Variants in CCSER2 observed in about 807,000 individuals in gnomAD.
CCSER2 encodes the protein serine-rich coiled-coil domain-containing protein 2.
CCSER2 carries 46 observed loss-of-function variants against 92.3 expected under a neutral mutation model. That is an observed-to-expected ratio of 0.50 (90% CI 0.39 to 0.64). The LOEUF (loss-of-function observed/expected upper bound fraction) is 0.64. Ranked by LOEUF, CCSER2 falls within the 30% of genes least tolerant of loss-of-function variation. The pLI, the probability that CCSER2 is intolerant of heterozygous loss-of-function variation, is 0.00. For synonymous variants in CCSER2, 433 were observed against 431.4 expected (o/e 1.00, Z -0.04); for missense variants, 1,244 against 1,238.9 (o/e 1.00, Z -0.06).
intron 9 of CCSER2, among the ~76,000 whole-genome samples, chr10:84,510,140 T>C (rs952875068): frequency 9.9e-5 from 15 of 152,192 alleles, no homozygotes; most frequent in African/African-American, 3.4e-4. Flanking sequence ...TTAGCTATGC[T>C]TTTGCACTAT....
intron 3 of CCSER2, among the ~76,000 whole-genome samples, chr10:84,376,742 T>A (rs1846359434): frequency 6.6e-6 from 1 of 152,172 alleles, no homozygotes; most frequent in Admixed American, 6.5e-5. Flanking sequence ...TAGGCTATGC[T>A]GATGGATAAA....
intron 1 of CCSER2, among the ~76,000 whole-genome samples, chr10:84,342,731 AT>A (rs1430144937): frequency 6.6e-6 from 1 of 151,922 alleles, no homozygotes; most frequent in African/African-American, 2.4e-5. Context: ...CCCCCGCAAC[AT>A]TTTACTTTTG....
intron 1 of CCSER2, among the ~76,000 whole-genome samples, chr10:84,348,255 C>T (rs531371420): frequency 4.5e-4 from 69 of 152,332 alleles, no homozygotes; most frequent in Middle Eastern, 3.4e-3. Context: ...GCTGGAGACC[C>T]GCCCGGCCAA....
At chr10:84,492,963 A>G (rs1466613033) in intron 9 of CCSER2, among the ~76,000 whole-genome samples, 1 of 151,918 alleles carries the variant, frequency 6.6e-6, no homozygotes, top group Non-Finnish European at 1.5e-5. Flanking sequence ...ATTAAGTTAA[A>G]CCTGGCCTCA....
chr10:84,389,400 G>A (rs1243666862), intron 3 of CCSER2: 1 of 501,910 alleles, frequency 2.0e-6, no homozygotes, highest in Non-Finnish European at 4.0e-6. Flanking sequence ...TCTCCTGGCA[G>A]TTCCTTGAGG....
At chr10:84,438,038 C>T (rs1419947214) in intron 5 of CCSER2, among the ~76,000 whole-genome samples, 1 of 151,970 alleles carries the variant, frequency 6.6e-6, no homozygotes, top group Non-Finnish European at 1.5e-5. Context: ...ACAAAAAATT[C>T]ATCTTAACTG....
chr10:84,354,787 A>G (rs1275862782), intron 1 of CCSER2, among the ~76,000 whole-genome samples: 1 of 151,042 alleles, frequency 6.6e-6, no homozygotes, highest in African/African-American at 2.4e-5. Context: ...ATGCACCTCA[A>G]AGTTAGCTTG....
At chr10:84,448,421 G>A (rs796653482) in intron 6 of CCSER2, among the ~76,000 whole-genome samples, 15 of 151,964 alleles carry the variant, frequency 9.9e-5, no homozygotes, top group African/African-American at 3.4e-4. Flanking sequence ...GGCATATATT[G>A]GTAAGCTGCC....
At chr10:84,406,877 A>G (rs1469319394) in intron 3 of CCSER2, among the ~76,000 whole-genome samples, 1 of 152,200 alleles carries the variant, frequency 6.6e-6, no homozygotes. Flanking sequence ...AAGCTGGTGA[A>G]GAAAAGTTAG....
In CCSER2 at chr10:84,506,610, A is replaced by G. The variant is rs1211767580; in HGVS notation, c.2326-6839A>G. Among the ~76,000 whole-genome samples, 6 of 151,966 alleles carry G rather than the reference A, an allele frequency of 3.9e-5. No individual in the cohort carries two copies. The East Asian group carries it at 1.2e-3, about 30-fold the overall frequency. On this transcript the variant is annotated intron_variant, in intron 9 of 9. Coordinates refer to ENST00000372088, the MANE Select transcript of CCSER2 (RefSeq NM_001284240.2). ...AGTTCGAGACCAGTCTGGCCAACAT[A>G]GTGAAACCCCGTCTCTACTAAAAAT...
At chr10:84,353,994 T>C (rs1845014961) in intron 1 of CCSER2, among the ~76,000 whole-genome samples, 1 of 152,074 alleles carries the variant, frequency 6.6e-6, no homozygotes, top group Non-Finnish European at 1.5e-5. Context: ...GCTCTGGAGT[T>C]CAAGACCAGC....
At chr10:84,458,502 AT>A (rs1845907732) in intron 6 of CCSER2, among the ~76,000 whole-genome samples, 1 of 152,068 alleles carries the variant, frequency 6.6e-6, no homozygotes, top group African/African-American at 2.4e-5. Context: ...TTGTTTGACT[AT>A]TTTAGTTCTT....
chr10:84,460,956 GT>G (rs1846070275), intron 6 of CCSER2, among the ~76,000 whole-genome samples: 1 of 151,926 alleles, frequency 6.6e-6, no homozygotes, highest in South Asian at 2.1e-4. Context: ...TTAATTTTCA[GT>G]TTCATTAATT....
intron 5 of CCSER2, among the ~76,000 whole-genome samples, chr10:84,436,325 C>CAAAAAAA (rs1160681619): frequency 0.013 from 183 of 14,342 alleles, 20 homozygotes; most frequent in Non-Finnish European, 0.013. Context: ...GACTCCGTCT[C>CAAAAAAA]AAAAAAAAAA....
At chr10:84,398,535 G>A (rs531060335) in intron 3 of CCSER2, among the ~76,000 whole-genome samples, 1 of 152,236 alleles carries the variant, frequency 6.6e-6, no homozygotes, top group Admixed American at 6.5e-5. Context: ...ATTTGTTTGT[G>A]CCTTTTGAAA....
intron 3 of CCSER2, among the ~76,000 whole-genome samples, chr10:84,396,487 A>ATTAT (rs1841846745): frequency 6.6e-6 from 1 of 151,762 alleles, no homozygotes; most frequent in Non-Finnish European, 1.5e-5. Context: ...GCGTGATTGT[A>ATTAT]TTATTCATTT....
At chr10:84,369,065 A>G (rs1845929365) in intron 1 of CCSER2, among the ~76,000 whole-genome samples, 2 of 150,394 alleles carry the variant, frequency 1.3e-5, no homozygotes, top group Admixed American at 1.3e-4. Context: ...TTTTTAATTC[A>G]CTCATTGGTT....
intron 5 of CCSER2, among the ~76,000 whole-genome samples, chr10:84,431,845 A>G (rs1444400639): frequency 6.6e-6 from 1 of 152,236 alleles, no homozygotes; most frequent in Non-Finnish European, 1.5e-5. Context: ...AACAATTATT[A>G]ATAAAACTGC....
At position 84,516,383 on chromosome 10, in the gene CCSER2, A is replaced by G. The variant is rs1849597502; in HGVS notation, c.*2116A>G. The G allele has an allele frequency of 6.6e-6, 1 of 152,218 alleles. No individual in the cohort carries two copies. Among genetic ancestry groups the G allele is most frequent in the Admixed American group, 6.5e-5 (1 of 15,286 alleles). The allele number at this position is 152,218 out of a possible 1,614,324, so 9.4% of individuals were successfully genotyped here. On this transcript the variant is annotated 3_prime_UTR_variant, in exon 10 of 10. Coordinates refer to ENST00000372088, the MANE Select transcript of CCSER2 (RefSeq NM_001284240.2). Reference sequence around the variant, plus strand: ...TTAGAGTCAGGCAAATCAGCAAAGCACTTTGTTATGGAGATGACCCATGAT... The same window carrying G: ...TTAGAGTCAGGCAAATCAGCAAAGCGCTTTGTTATGGAGATGACCCATGAT...
Sources: allele counts gnomAD v4.1 joint callset (sites outside exome capture counted in the v4.1 genomes callset), GRCh38; gene constraint gnomAD v4.1.1; transcripts MANE v1.5; gene names NCBI Gene and HGNC (gene_info 2026-07-23, HGNC 2026-07-21).